PCSK6: variants seen among roughly 807,000 people sequenced by gnomAD.
PCSK6 encodes paired basic amino acid cleaving enzyme 4.
A neutral mutation model predicts 123.3 loss-of-function variants in PCSK6; 85 were observed. The ratio of observed to expected loss-of-function variants is 0.69; its 90% CI spans 0.58 to 0.83. PCSK6 has a LOEUF of 0.83. Ranked by LOEUF, PCSK6 falls within the 40% of genes least tolerant of loss-of-function variation. The pLI is 0.00. For synonymous variants in PCSK6, 508 were observed against 516.0 expected (o/e 0.98, Z 0.21); for missense variants, 1,191 against 1,282.3 (o/e 0.93, Z 1.09).
intron 2 of PCSK6, among the ~76,000 whole-genome samples, chr15:101,433,845 C>T (rs1296903206): frequency 2.6e-5 from 4 of 152,218 alleles, no homozygotes; most frequent in Non-Finnish European, 5.9e-5. Context: ...GGGATGGCCT[C>T]CAAGACATCC....
intron 1 of PCSK6, among the ~76,000 whole-genome samples, chr15:101,487,912 T>G (rs1204436804): frequency 6.6e-6 from 1 of 152,200 alleles, no homozygotes; most frequent in African/African-American, 2.4e-5. Context: ...TACATGTGCG[T>G]ATATGTATGT....
intron 19 of PCSK6, among the ~76,000 whole-genome samples, chr15:101,317,493 T>C (rs1176798807): frequency 2.0e-5 from 3 of 147,492 alleles, no homozygotes. Context: ...ACATGTAAAA[T>C]TGTTTATAGA....
Position 101,370,348 on chromosome 15 carries a change from G to A in PCSK6, c.1708C>T (p.Leu570Phe). The change falls in exon 12 of 22, where the codon CTT becomes TTT. Residue 570 changes from leucine to phenylalanine, a missense_variant. By Grantham distance (22) the Leu-to-Phe change is conservative. This residue lies in a region of PCSK6 where 630 missense variants were observed against 631.4 expected (regional missense o/e 1.00). Transcript: ENST00000611716. ...GCCTCGCCTTACCTCTTTGCCAGAAGTTGAGACTTGGTTCCCGAGGGAGAA... is the reference window on the plus strand; with the variant it reads ...GCCTCGCCTTACCTCTTTGCCAGAAATTGAGACTTGGTTCCCGAGGGAGAA... ...LVSPSGTKSQ[L>F]LAKRLLDLSN... 2 of 1,546,166 alleles carry A rather than the reference G, an allele frequency of 1.3e-6. No homozygotes were observed. Among genetic ancestry groups the A allele is most frequent in the Non-Finnish European group, 8.7e-7 (1 of 1,144,188 alleles).
At chr15:101,382,039 C>T (rs1316139870) in intron 11 of PCSK6, 53 bp downstream of exon 11, 1 of 1,243,190 alleles carries the variant, frequency 8.0e-7, no homozygotes, top group African/African-American at 1.5e-5. Context: ...ACAACAGAGT[C>T]AGCTCCAAAC....
intron 12 of PCSK6, among the ~76,000 whole-genome samples, chr15:101,370,047 C>A (rs905300073): frequency 9.9e-5 from 15 of 152,142 alleles, no homozygotes; most frequent in East Asian, 5.8e-4. Flanking sequence ...ACAAATCCCT[C>A]CGCTAAACAA....
At chr15:101,327,838 T>C (rs549236296) in intron 15 of PCSK6, among the ~76,000 whole-genome samples, 1 of 152,230 alleles carries the variant, frequency 6.6e-6, no homozygotes, top group South Asian at 2.1e-4. Flanking sequence ...GCTTTGCGTG[T>C]CCCGGTTCCC....
At chr15:101,318,923 A>G (rs1208755846) in intron 18 of PCSK6, among the ~76,000 whole-genome samples, 1 of 152,188 alleles carries the variant, frequency 6.6e-6, no homozygotes, top group Non-Finnish European at 1.5e-5. Context: ...AACTTGAAAT[A>G]AGACGCCCTC....
At chr15:101,465,411 T>C (rs1048743759) in intron 1 of PCSK6, among the ~76,000 whole-genome samples, 8 of 152,218 alleles carry the variant, frequency 5.3e-5, no homozygotes, top group African/African-American at 1.7e-4. Context: ...GACCATCTGA[T>C]GGTACGTCCA....
Position 101,393,432 on chromosome 15 carries a change from G to A in PCSK6, c.997-8C>T. Reference sequence around the variant, plus strand: ...GCCCAGGCCCTGCCGGCCCTGGAGGGACAAGAGGAACAAGGCTTAGCCCCG... The same window carrying A: ...GCCCAGGCCCTGCCGGCCCTGGAGGAACAAGAGGAACAAGGCTTAGCCCCG... On this transcript the variant is annotated splice_region_variant and splice_polypyrimidine_tract_variant and intron_variant, in intron 7 of 21. Coordinates refer to ENST00000611716, the MANE Select transcript of PCSK6 (RefSeq NM_002570.5). The A allele has an allele frequency of 6.2e-7, 1 of 1,600,286 alleles. No homozygotes were observed. Among genetic ancestry groups the A allele is most frequent in the Non-Finnish European group, 8.5e-7 (1 of 1,175,254 alleles).
intron 1 of PCSK6, among the ~76,000 whole-genome samples, chr15:101,471,620 C>T (rs944016527): frequency 6.6e-5 from 10 of 152,176 alleles, no homozygotes; most frequent in Non-Finnish European, 1.3e-4. Context: ...TCATTATTTG[C>T]TTATAGATTT....
intron 13 of PCSK6, among the ~76,000 whole-genome samples, chr15:101,351,066 C>G (rs2040877331): frequency 6.6e-6 from 1 of 152,078 alleles, no homozygotes; most frequent in African/African-American, 2.4e-5. Flanking sequence ...CAGGGTTACT[C>G]ACATCTGTTC....
rs1349228663 is a variant in PCSK6 at position 101,468,925 on chromosome 15, C to G, written c.297+20449G>C. On this transcript the variant is annotated intron_variant, in intron 1 of 21. Coordinates refer to ENST00000611716, the MANE Select transcript of PCSK6 (RefSeq NM_002570.5). ...CTATTTTGGCAATGATTGTTGCAAT[C>G]ATATTTTACAGGTGAATGATTTGAC... Among the ~76,000 whole-genome samples the G allele has an allele frequency of 2.0e-5, 3 of 152,190 alleles. No individual in the cohort carries two copies. In the South Asian group the frequency reaches 6.2e-4, roughly 32 times the overall value.
chr15:101,358,467 G>T (rs1273970044), intron 13 of PCSK6, among the ~76,000 whole-genome samples: 1 of 152,204 alleles, frequency 6.6e-6, no homozygotes, highest in African/African-American at 2.4e-5. Flanking sequence ...CCTTGTGCAT[G>T]GTACTATTGG....
At chr15:101,399,626 C>T (rs1348768331) in intron 6 of PCSK6, among the ~76,000 whole-genome samples, 1 of 152,224 alleles carries the variant, frequency 6.6e-6, no homozygotes, top group Non-Finnish European at 1.5e-5. Context: ...GCCCCAGCAA[C>T]AGTGCCTCCC....
chr15:101,449,987 C>G (rs1186531991), intron 1 of PCSK6, among the ~76,000 whole-genome samples: 1 of 152,094 alleles, frequency 6.6e-6, no homozygotes, highest in East Asian at 1.9e-4. Flanking sequence ...TAGGTCAGCA[C>G]ATAACTTCCA....
chr15:101,314,747 G>C (rs921418176), intron 19 of PCSK6, among the ~76,000 whole-genome samples: 5 of 152,222 alleles, frequency 3.3e-5, no homozygotes, highest in Admixed American at 2.6e-4. Context: ...GCAGGAGGCA[G>C]ATGTAGGGAC....
At chr15:101,422,119 G>C (rs934796260) in intron 6 of PCSK6, among the ~76,000 whole-genome samples, 3 of 152,152 alleles carry the variant, frequency 2.0e-5, no homozygotes, top group Non-Finnish European at 4.4e-5. Context: ...ATTTCTTTTG[G>C]TGCAGAGAGG....
intron 20 of PCSK6, among the ~76,000 whole-genome samples, chr15:101,311,422 C>T (rs1481780734): frequency 2.6e-5 from 4 of 151,784 alleles, no homozygotes; most frequent in African/African-American, 4.8e-5. Flanking sequence ...CCACCGTGCC[C>T]GGCCTCCTTC....
At chr15:101,469,266 T>G (rs1254614750) in intron 1 of PCSK6, among the ~76,000 whole-genome samples, 1 of 152,142 alleles carries the variant, frequency 6.6e-6, no homozygotes, top group Admixed American at 6.6e-5. Flanking sequence ...CAAGAAAAGC[T>G]GGGGGAGAGG....
Sources: gnomAD v4.1 joint callset for allele counts (sites outside exome capture counted in the v4.1 genomes callset) on GRCh38, gnomAD v4.1.1 for gene constraint, gnomAD v4.1.1 regional missense constraint, MANE v1.5 for transcripts, NCBI Gene and HGNC (gene_info 2026-07-23, HGNC 2026-07-21) for gene names.